CGGBP1: variants seen among roughly 807,000 people sequenced by gnomAD.
CGGBP1 encodes CGG triplet repeat binding protein 1.
A neutral mutation model predicts 11.4 loss-of-function variants in CGGBP1; 4 were observed. The observed-to-expected ratio is 0.35, with a 90% CI of 0.17 to 0.80. The LOEUF (loss-of-function observed/expected upper bound fraction) is 0.80, where lower values mean the gene tolerates loss of function less well. Ranked by LOEUF, CGGBP1 falls within the 30% of genes least tolerant of loss-of-function variation. The pLI is 0.52. For missense variants in CGGBP1, 135 were observed against 202.1 expected, an observed-to-expected ratio of 0.67 and a Z score of 2.01; for synonymous variants, 76 against 74.1, an observed-to-expected ratio of 1.03 and a Z score of -0.13.
chr3:88,108,081 C>T (rs1401547725), intron 2 of CGGBP1, among the ~76,000 whole-genome samples: 1 of 151,860 alleles, frequency 6.6e-6, no homozygotes, highest in Non-Finnish European at 1.5e-5. Flanking sequence ...TTGTTTTTGT[C>T]AGGTGCCTGG....
upstream of CGGBP1, chr3:88,059,181 A>G (rs757519964): frequency 7.0e-7 from 1 of 1,422,130 alleles, no homozygotes; most frequent in Non-Finnish European, 9.2e-7. Context: ...AGCCGGAAGT[A>G]GAGCCCAGCC....
intron 2 of CGGBP1, among the ~76,000 whole-genome samples, chr3:88,134,706 T>C (rs1706667789): frequency 6.6e-6 from 1 of 152,112 alleles, no homozygotes; most frequent in Non-Finnish European, 1.5e-5. Flanking sequence ...GTTTTCTAAA[T>C]TTACAAGTAA....
intron 1 of CGGBP1, among the ~76,000 whole-genome samples, chr3:88,148,351 G>C (rs570689669): frequency 6.6e-6 from 1 of 152,208 alleles, no homozygotes; most frequent in African/African-American, 2.4e-5. Context: ...TTTAATGAAC[G>C]AATGAAATAA....
chr3:88,094,510 C>T (rs1404918994), intron 2 of CGGBP1, among the ~76,000 whole-genome samples: 1 of 152,016 alleles, frequency 6.6e-6, no homozygotes, highest in African/African-American at 2.4e-5. Flanking sequence ...ATCTAGAGGG[C>T]TGTAGATGTG....
At chr3:88,137,830 C>T (rs1411075834) in intron 2 of CGGBP1, among the ~76,000 whole-genome samples, 8 of 152,126 alleles carry the variant, frequency 5.3e-5, no homozygotes, top group South Asian at 4.1e-4. Context: ...ACTAAGAAAA[C>T]GTGAGGCTGG....
chr3:88,070,826 A>G (rs1192656120), intron 2 of CGGBP1, among the ~76,000 whole-genome samples: 1 of 152,202 alleles, frequency 6.6e-6, no homozygotes, highest in African/African-American at 2.4e-5. Flanking sequence ...GCTGAGACTC[A>G]GAGAGATTAA....
chr3:88,075,441 T>C (rs1318442431), intron 2 of CGGBP1, among the ~76,000 whole-genome samples: 1 of 152,358 alleles, frequency 6.6e-6, no homozygotes, highest in East Asian at 1.9e-4. Flanking sequence ...GCCCTCATAT[T>C]TGTATTATTT....
intron 1 of CGGBP1, among the ~76,000 whole-genome samples, chr3:88,149,369 C>T (rs895897909): frequency 2.0e-5 from 3 of 152,144 alleles, no homozygotes; most frequent in African/African-American, 7.2e-5. Context: ...AAATTGCGCG[C>T]GACATCGCCT....
At chr3:88,060,643 A>C (rs1399074091), upstream of CGGBP1, among the ~76,000 whole-genome samples, 1 of 152,178 alleles carries the variant, frequency 6.6e-6, no homozygotes. Context: ...AAGAGGAGTA[A>C]TAGTTAAATA....
chr3:88,142,284 T>C (rs1707170660), intron 1 of CGGBP1: 1 of 75,920 alleles, frequency 1.3e-5, no homozygotes, highest in African/African-American at 3.5e-5. Context: ...CATTGAAAAT[T>C]AAAAAACAAA....
Position 88,068,330 on chromosome 3 carries a change from C to T in CGGBP1, c.-228-10107G>A, listed in dbSNP as rs74860671. 6.9e-3 allele frequency among the ~76,000 whole-genome samples: 1,042 copies of T among 151,958 alleles called. 7 individuals carry two copies. The highest frequency in any genetic ancestry group is 0.017 in the Middle Eastern group (5 of 294). On this transcript the variant is annotated intron_variant, in intron 2 of 3. Transcript: ENST00000462901. Reference sequence around the variant, plus strand: ...AGACAGAAAGGGACAGGTTCATTTTCGGGCTCCACTTGTGGCAAAACATAG... The same window carrying T: ...AGACAGAAAGGGACAGGTTCATTTTTGGGCTCCACTTGTGGCAAAACATAG...
intron 2 of CGGBP1, chr3:88,129,574 G>A: frequency 1.2e-6 from 1 of 835,644 alleles, no homozygotes; most frequent in South Asian, 2.4e-5. Context: ...CATTGTCTTT[G>A]TAGAAGAAAA....
At chr3:88,140,110 T>C in intron 2 of CGGBP1, 1 of 1,613,890 alleles carries the variant, frequency 6.2e-7, no homozygotes, top group South Asian at 1.1e-5. Context: ...TATCCAAATG[T>C]GTATTTTTGT....
intron 2 of CGGBP1, among the ~76,000 whole-genome samples, chr3:88,072,835 C>A (rs1226096392): frequency 6.6e-6 from 1 of 152,114 alleles, no homozygotes; most frequent in Non-Finnish European, 1.5e-5. Flanking sequence ...TATAAATAAA[C>A]CCTAAAATAG....
chr3:88,063,344 C>G (rs1268587865), upstream of CGGBP1, among the ~76,000 whole-genome samples: 2 of 152,094 alleles, frequency 1.3e-5, no homozygotes, highest in African/African-American at 4.8e-5. Context: ...TTTAATGATC[C>G]TCAAATAGTT....
At chr3:88,118,255 T>C (rs1045709152) in intron 2 of CGGBP1, among the ~76,000 whole-genome samples, 4 of 152,080 alleles carry the variant, frequency 2.6e-5, no homozygotes, top group African/African-American at 9.7e-5. Context: ...ACACAACCTG[T>C]TTTTTATTTG....
At chr3:88,102,642 A>G (rs1295183311) in intron 2 of CGGBP1, among the ~76,000 whole-genome samples, 4 of 152,184 alleles carry the variant, frequency 2.6e-5, no homozygotes, top group African/African-American at 9.6e-5. Flanking sequence ...ATCCAATAGA[A>G]TAGTGCAAGA....
chr3:88,139,661 T>C, intron 2 of CGGBP1: 1 of 1,610,570 alleles, frequency 6.2e-7, no homozygotes, highest in Non-Finnish European at 8.5e-7. Context: ...TCATTGAAAT[T>C]CCCATAAGTG....
intron 2 of CGGBP1, among the ~76,000 whole-genome samples, chr3:88,065,747 G>C (rs1411491417): frequency 2.6e-5 from 4 of 151,610 alleles, no homozygotes; most frequent in Non-Finnish European, 4.4e-5. Flanking sequence ...TTTGAGACAG[G>C]GTCTGGCTGG....
Sources: allele counts gnomAD v4.1 joint callset (sites outside exome capture counted in the v4.1 genomes callset), GRCh38; gene constraint gnomAD v4.1.1; transcripts MANE v1.5; gene names NCBI Gene and HGNC (gene_info 2026-07-23, HGNC 2026-07-21).